The following AIRIM variants were observed in gnomAD, a reference collection of about 807,000 sequenced individuals.
AIRIM encodes the protein AFG2-interacting ribosome maturation factor.
the AIRIM span, chr1:37,689,410 TCTCTGACAAAGAAAATGCCAGAAAATGG>T: frequency 1.7e-6 from 1 of 594,116 alleles, no homozygotes; most frequent in East Asian, 2.9e-5. Flanking sequence ...CCATGCCTAG[TCTCTGACAAAGAAAATGCCAGAAAATGG>T]CTTTCTGACC....
chr1:37,690,622 T>C, the AIRIM span: 3 of 444,210 alleles, frequency 6.8e-6, no homozygotes, highest in South Asian at 2.5e-5. Context: ...GACTTCTGGG[T>C]ACTGTAGTCC....
At chr1:37,683,362 G>A in the AIRIM span, 1 of 1,614,068 alleles carries the variant, frequency 6.2e-7, no homozygotes, top group South Asian at 1.1e-5. Context: ...TTCGGTCCCA[G>A]GCCTTGGGCA....
At chr1:37,681,910 T>C in the AIRIM span, 1 of 152,264 alleles carries the variant, frequency 6.6e-6, no homozygotes, top group African/African-American at 2.4e-5. Flanking sequence ...GTATCGATGA[T>C]AGCACGTTTG....
At chr1:37,686,642 C>A in the AIRIM span, among the ~76,000 whole-genome samples, 1 of 152,134 alleles carries the variant, frequency 6.6e-6, no homozygotes, top group African/African-American at 2.4e-5. Context: ...TATACCTATA[C>A]CCTCCATAAG....
At chr1:37,690,604 G>C in the AIRIM span, 2 of 571,118 alleles carry the variant, frequency 3.5e-6, no homozygotes, top group Non-Finnish European at 5.2e-6. Flanking sequence ...ATATCGTAGT[G>C]CCGCAATGAC....
At chr1:37,683,261 C>A in the AIRIM span, 4 of 1,610,698 alleles carry the variant, frequency 2.5e-6, no homozygotes, top group African/African-American at 1.3e-5. Context: ...TCCAAAGAGG[C>A]GAGCCACAGG....
chr1:37,686,359 A>T, the AIRIM span: 1 of 1,614,028 alleles, frequency 6.2e-7, no homozygotes. Context: ...GCAGGACAGC[A>T]TCAATGCCAA....
the AIRIM span, chr1:37,689,800 C>T: frequency 6.2e-7 from 1 of 1,612,356 alleles, no homozygotes. Flanking sequence ...CACTCTGCCA[C>T]AGGCCCTGCT....
the AIRIM span, chr1:37,681,623 G>A: frequency 6.6e-6 from 1 of 151,924 alleles, no homozygotes; most frequent in Admixed American, 6.6e-5. Context: ...TTTAATTCCT[G>A]GAAAAATAAA....
chr1:37,685,212 G>C, the AIRIM span, among the ~76,000 whole-genome samples: 1 of 127,974 alleles, frequency 7.8e-6, no homozygotes, highest in Non-Finnish European at 1.7e-5. Context: ...GGGTGGGCGG[G>C]GGGTGGTTTG....
the AIRIM span, chr1:37,690,404 C>G: frequency 7.8e-7 from 1 of 1,276,434 alleles, no homozygotes; most frequent in South Asian, 1.3e-5. Context: ...GACATACAGT[C>G]CTGTCTCCCC....
the AIRIM span, chr1:37,689,389 G>T: frequency 1.9e-6 from 1 of 515,874 alleles, no homozygotes; most frequent in South Asian, 3.1e-5. Context: ...CTTCTACTAA[G>T]CCCACCACTG....
At chr1:37,682,983 C>T in the AIRIM span, 1 of 880,416 alleles carries the variant, frequency 1.1e-6, no homozygotes, top group South Asian at 1.6e-5. Context: ...TAATCCTCCC[C>T]AAGACCCAGT....
the AIRIM span, chr1:37,689,944 C>T: frequency 1.3e-6 from 2 of 1,487,210 alleles, no homozygotes; most frequent in African/African-American, 1.4e-5. Context: ...GTCGGGGAGG[C>T]ACTGGGTCGA....
chr1:37,690,242 T>G, the AIRIM span: 2 of 1,283,400 alleles, frequency 1.6e-6, no homozygotes, highest in South Asian at 1.2e-5. Context: ...GCCTCGGTCT[T>G]CCAAAGTGCT....
chr1:37,683,606 T>C, the AIRIM span: 1 of 689,280 alleles, frequency 1.5e-6, no homozygotes, highest in Non-Finnish European at 2.3e-6. Context: ...AGCAACTGTT[T>C]ACTAACATGG....
the AIRIM span, chr1:37,683,671 C>T: frequency 2.3e-6 from 1 of 439,212 alleles, no homozygotes; most frequent in South Asian, 3.0e-5. Flanking sequence ...GGGATCTCAG[C>T]ATGGTGAGGA....
chr1:37,683,235 G>A, the AIRIM span: 3 of 1,605,710 alleles, frequency 1.9e-6, no homozygotes, highest in Non-Finnish European at 1.7e-6. Flanking sequence ...CACAGCAAGG[G>A]CACCTTCCTA....
the AIRIM span, chr1:37,689,766 G>C: frequency 6.2e-7 from 1 of 1,613,600 alleles, no homozygotes. Flanking sequence ...AGGGAGGACA[G>C]GAGGGGCTGG....
Sources: gnomAD v4.1 joint callset for allele counts (sites outside exome capture counted in the v4.1 genomes callset) on GRCh38, gnomAD v4.1.1 for gene constraint, MANE v1.5 for transcripts, NCBI Gene and HGNC (gene_info 2026-07-23, HGNC 2026-07-21) for gene names.